Variants in DAB1 observed in about 807,000 individuals in gnomAD.
The protein encoded by DAB1 is DAB adaptor protein 1.
Under a neutral mutation model 64.6 loss-of-function variants are expected in DAB1, and 15 were observed. That is an observed-to-expected ratio of 0.23 (90% CI 0.16 to 0.36). The LOEUF (loss-of-function observed/expected upper bound fraction) is 0.36, where lower values mean the gene tolerates loss of function less well. DAB1 is among the 10% of genes least tolerant of loss of function. The pLI is 1.00. For missense variants in DAB1, 596 were observed against 706.7 expected (o/e 0.84, Z 1.78); for synonymous variants, 235 against 251.9 (o/e 0.93, Z 0.64).
At chr1:57,389,819 C>A (rs1262879255) in intron 1 of DAB1, among the ~76,000 whole-genome samples, 1 of 152,156 alleles carries the variant, frequency 6.6e-6, no homozygotes, top group Non-Finnish European at 1.5e-5. Context: ...AGATACCTAA[C>A]TCCCCCCATA....
intron 5 of DAB1, among the ~76,000 whole-genome samples, chr1:57,914,972 A>G (rs935719376): frequency 2.6e-5 from 4 of 152,158 alleles, no homozygotes; most frequent in African/African-American, 9.7e-5. Flanking sequence ...ATTTGCAGTA[A>G]TTTGAAAAAT....
chr1:57,780,886 C>A (rs1650036272), intron 6 of DAB1, among the ~76,000 whole-genome samples: 1 of 151,154 alleles, frequency 6.6e-6, no homozygotes. Context: ...TCCACCATGC[C>A]CAGCTAATTT....
At chr1:57,213,372 C>T (rs1411993616) in intron 2 of DAB1, among the ~76,000 whole-genome samples, 1 of 152,170 alleles carries the variant, frequency 6.6e-6, no homozygotes. Flanking sequence ...TTCATCTAGC[C>T]ATACATCTGG....
chr1:57,490,924 A>AT (rs1644154788), intron 7 of DAB1, among the ~76,000 whole-genome samples: 1 of 152,180 alleles, frequency 6.6e-6, no homozygotes, highest in Admixed American at 6.5e-5. Context: ...TACAGGTAGA[A>AT]TTTTTTCACA....
At chr1:57,120,943 A>G (rs565629162) in intron 4 of DAB1, among the ~76,000 whole-genome samples, 1 of 152,208 alleles carries the variant, frequency 6.6e-6, no homozygotes, top group East Asian at 1.9e-4. Context: ...GACAAAAGAG[A>G]GATATCTAAC....
chr1:57,213,544 T>C (rs1002504178), intron 2 of DAB1, among the ~76,000 whole-genome samples: 1 of 152,154 alleles, frequency 6.6e-6, no homozygotes, highest in East Asian at 1.9e-4. Flanking sequence ...ACTACAGTCA[T>C]ACAAAATGCT....
chr1:57,393,603 G>A (rs1032413107), intron 1 of DAB1, among the ~76,000 whole-genome samples: 1 of 152,140 alleles, frequency 6.6e-6, no homozygotes, highest in African/African-American at 2.4e-5. Flanking sequence ...GGGAAGTAGA[G>A]GCAGCAGTGA....
chr1:58,004,316 G>A (rs1006130402), intron 5 of DAB1, among the ~76,000 whole-genome samples: 1 of 152,174 alleles, frequency 6.6e-6, no homozygotes, highest in Non-Finnish European at 1.5e-5. Flanking sequence ...GCAGCTAGTT[G>A]GTGGCAGAGC....
At chr1:57,968,968 TTTAG>T (rs1645733648) in intron 5 of DAB1, among the ~76,000 whole-genome samples, 1 of 152,206 alleles carries the variant, frequency 6.6e-6, no homozygotes, top group Non-Finnish European at 1.5e-5. Context: ...CTGTTCAATT[TTTAG>T]TTAATCAGAG....
intron 5 of DAB1, among the ~76,000 whole-genome samples, chr1:57,974,003 C>T (rs1331836470): frequency 1.3e-5 from 2 of 152,154 alleles, no homozygotes; most frequent in Non-Finnish European, 2.9e-5. Flanking sequence ...TATGACCTGA[C>T]CTTCTTCCCC....
intron 6 of DAB1, among the ~76,000 whole-genome samples, chr1:57,657,383 G>T (rs1646331496): frequency 6.6e-6 from 1 of 152,280 alleles, no homozygotes; most frequent in Non-Finnish European, 1.5e-5. Flanking sequence ...AAAACCCCTA[G>T]GGGAACCAAT....
chr1:57,792,441 G>A (rs1191846695), intron 6 of DAB1, among the ~76,000 whole-genome samples: 3 of 152,056 alleles, frequency 2.0e-5, no homozygotes, highest in African/African-American at 7.2e-5. Context: ...TTTTTCCACT[G>A]GGCAGATCCT....
chr1:57,061,741 A>C (rs1650415177), intron 9 of DAB1, among the ~76,000 whole-genome samples: 1 of 152,136 alleles, frequency 6.6e-6, no homozygotes, highest in Admixed American at 6.5e-5. Context: ...GCTGCTCCTC[A>C]TGGGATGGAG....
intron 3 of DAB1, among the ~76,000 whole-genome samples, chr1:57,141,724 C>T (rs1658605011): frequency 6.6e-6 from 1 of 152,160 alleles, no homozygotes; most frequent in South Asian, 2.1e-4. Context: ...TCCTTAACTT[C>T]AATCACCACC....
chr1:57,514,084 C>T (rs2101357522), intron 7 of DAB1, among the ~76,000 whole-genome samples: 1 of 152,244 alleles, frequency 6.6e-6, no homozygotes, highest in African/African-American at 2.4e-5. Context: ...TTCATTCATC[C>T]CTTCATAGAC....
chr1:57,378,092 T>A (rs1386611849), intron 1 of DAB1, among the ~76,000 whole-genome samples: 1 of 152,148 alleles, frequency 6.6e-6, no homozygotes, highest in Non-Finnish European at 1.5e-5. Context: ...AGGGCAGGGA[T>A]GCTAATGGAA....
chr1:57,822,436 A>T (rs1484051904), downstream of DAB1, among the ~76,000 whole-genome samples: 1 of 152,136 alleles, frequency 6.6e-6, no homozygotes, highest in African/African-American at 2.4e-5. Context: ...AAGAATCTGC[A>T]GAGTAACCCA....
At chr1:57,775,381 A>G (rs1569642425) in intron 6 of DAB1, among the ~76,000 whole-genome samples, 1 of 151,398 alleles carries the variant, frequency 6.6e-6, no homozygotes, top group East Asian at 1.9e-4. Context: ...TTTAGACCCT[A>G]TTTTTCTAAT....
intron 3 of DAB1, among the ~76,000 whole-genome samples, chr1:58,354,559 T>C (rs1199297429): frequency 6.6e-6 from 1 of 152,104 alleles, no homozygotes; most frequent in African/African-American, 2.4e-5. Context: ...GATATGCAAA[T>C]ATTGGTCTTT....
Sources: allele counts gnomAD v4.1 joint callset (sites outside exome capture counted in the v4.1 genomes callset), GRCh38; gene constraint gnomAD v4.1.1; transcripts MANE v1.5; gene names NCBI Gene and HGNC (gene_info 2026-07-23, HGNC 2026-07-21).